Variants in MIPEP observed in about 807,000 individuals in gnomAD.
The protein encoded by MIPEP is mitochondrial intermediate peptidase.
MIPEP carries 79 observed loss-of-function variants against 90.3 expected under a neutral mutation model. That is an observed-to-expected ratio of 0.87 (90% CI 0.73 to 1.05). MIPEP has a LOEUF of 1.05. Among genes scored for constraint, MIPEP ranks in the 50% least tolerant of loss-of-function variants. The pLI, the probability that MIPEP is intolerant of heterozygous loss-of-function variation, is 0.00. For synonymous variants in MIPEP, 334 were observed against 315.8 expected (o/e 1.06, Z -0.61); for missense variants, 940 against 905.6 (o/e 1.04, Z -0.49).
At chr13:23,760,254 T>G (rs771444720) in intron 16 of MIPEP, 37 bp from the exon 17 acceptor site, 1 of 1,613,420 alleles carries the variant, frequency 6.2e-7, no homozygotes, top group Non-Finnish European at 8.5e-7. Context: ...GGGACACAAG[T>G]CAGTTTCCAC....
At chr13:23,819,761 C>A (rs1487544525) in intron 14 of MIPEP, among the ~76,000 whole-genome samples, 1 of 151,948 alleles carries the variant, frequency 6.6e-6, no homozygotes, top group Non-Finnish European at 1.5e-5. Context: ...GTGATCCCAG[C>A]ACTTTGGGAG....
chr13:23,886,172 T>A (rs192814179), intron 2 of MIPEP, among the ~76,000 whole-genome samples, 161 bp downstream of exon 2: 1 of 152,158 alleles, frequency 6.6e-6, no homozygotes, highest in Non-Finnish European at 1.5e-5. Context: ...CCATTCCTAA[T>A]GACATATTTC....
intron 17 of MIPEP, among the ~76,000 whole-genome samples, chr13:23,758,617 A>C (rs1952509616): frequency 6.6e-6 from 1 of 152,246 alleles, no homozygotes; most frequent in Non-Finnish European, 1.5e-5. Context: ...AGATCTTTTA[A>C]AAATAAAATC....
chr13:23,869,495 G>C, intron 6 of MIPEP, 47 bp from the exon 7 acceptor site: 1 of 1,496,944 alleles, frequency 6.7e-7, no homozygotes, highest in South Asian at 1.4e-5. Context: ...TCATCACACA[G>C]TCCTATGCAA....
At chr13:23,839,502 CTATCT>C (rs1180329591) in intron 12 of MIPEP, 142 bp downstream of exon 12, 3 of 454,042 alleles carry the variant, frequency 6.6e-6, no homozygotes, top group African/African-American at 6.1e-5. Flanking sequence ...TTTTAAAATT[CTATCT>C]TAATTTCAAA....
At chr13:23,779,561 C>T (rs990540067) in intron 16 of MIPEP, among the ~76,000 whole-genome samples, 2 of 152,098 alleles carry the variant, frequency 1.3e-5, no homozygotes, top group Non-Finnish European at 2.9e-5. Context: ...TTCCACATTT[C>T]CAACTGAGGT....
Position 23,764,227 on chromosome 13 carries a change from A to G in MIPEP, c.1849-4010T>C, listed in dbSNP as rs948582333. 1.8e-4 allele frequency among the ~76,000 whole-genome samples: 27 copies of G among 152,182 alleles called. 1 individual carries two copies. The highest frequency in any genetic ancestry group is 5.6e-4 in the African/African-American group (23 of 41,432). Reference sequence around the variant, plus strand: ...CCTATTGCTGTCCCAAGGCATGCCTATTTAAACCTTCCTTGAGTTACATAA... The same window carrying G: ...CCTATTGCTGTCCCAAGGCATGCCTGTTTAAACCTTCCTTGAGTTACATAA... On this transcript the variant is annotated intron_variant, in intron 16 of 18. Transcript: ENST00000382172.
chr13:23,805,388 C>T (rs1173104352), intron 16 of MIPEP, among the ~76,000 whole-genome samples: 1 of 152,054 alleles, frequency 6.6e-6, no homozygotes, highest in African/African-American at 2.4e-5. Context: ...GCCCCAAATA[C>T]AAGGATATAA....
chr13:23,791,669 A>G (rs1353608390), intron 16 of MIPEP, among the ~76,000 whole-genome samples: 2 of 152,108 alleles, frequency 1.3e-5, no homozygotes, highest in East Asian at 3.9e-4. Context: ...ACTTACACAT[A>G]TTATTCACCT....
At chr13:23,829,395 C>T (rs888653473) in intron 14 of MIPEP, among the ~76,000 whole-genome samples, 2 of 151,518 alleles carry the variant, frequency 1.3e-5, no homozygotes, top group African/African-American at 4.9e-5. Context: ...TGCCTGTAAG[C>T]CTGGGCGAAA....
At chr13:23,791,747 A>G (rs758468400) in intron 16 of MIPEP, among the ~76,000 whole-genome samples, 4 of 152,170 alleles carry the variant, frequency 2.6e-5, no homozygotes, top group Non-Finnish European at 5.9e-5. Context: ...TTATCTGTAC[A>G]TCTCCTCCAA....
intron 4 of MIPEP, among the ~76,000 whole-genome samples, chr13:23,877,228 T>A (rs574674296): frequency 6.6e-6 from 1 of 152,348 alleles, no homozygotes; most frequent in South Asian, 2.1e-4. Flanking sequence ...TTGGATAGCA[T>A]TAAACTTATA....
chr13:23,769,205 A>T (rs1248716218), intron 16 of MIPEP, among the ~76,000 whole-genome samples: 1 of 152,248 alleles, frequency 6.6e-6, no homozygotes, highest in Non-Finnish European at 1.5e-5. Flanking sequence ...GTCCATGGTC[A>T]GGAGAGTCAG....
chr13:23,832,513 TAGAA>T (rs1036466282), intron 14 of MIPEP, among the ~76,000 whole-genome samples: 2 of 152,026 alleles, frequency 1.3e-5, no homozygotes, highest in South Asian at 2.1e-4. Flanking sequence ...AGTTGCATCT[TAGAA>T]AGGTTTAGGA....
intron 11 of MIPEP, among the ~76,000 whole-genome samples, chr13:23,840,029 A>C (rs1869226873): frequency 6.6e-6 from 1 of 152,200 alleles, no homozygotes; most frequent in African/African-American, 2.4e-5. Context: ...AGCTGGGAAG[A>C]AGTGCTGGCT....
intron 15 of MIPEP, 127 bp downstream of exon 15, chr13:23,809,722 AC>A (rs1228667588): frequency 3.2e-6 from 2 of 625,456 alleles, no homozygotes; most frequent in Non-Finnish European, 5.3e-6. Context: ...AGTTCTTTGA[AC>A]TCAGATGAAA....
At chr13:23,743,590 C>T (rs944223743) in intron 18 of MIPEP, among the ~76,000 whole-genome samples, 1 of 152,254 alleles carries the variant, frequency 6.6e-6, no homozygotes, top group Admixed American at 6.5e-5. Context: ...GAATTATTAA[C>T]TGAAGTGAAG....
At chr13:23,799,519 G>T (rs1026628050) in intron 16 of MIPEP, among the ~76,000 whole-genome samples, 1 of 150,626 alleles carries the variant, frequency 6.6e-6, no homozygotes, top group Non-Finnish European at 1.5e-5. Context: ...GTAGAGATGG[G>T]GTTTCACCGT....
intron 13 of MIPEP, among the ~76,000 whole-genome samples, 161 bp downstream of exon 13, chr13:23,837,391 C>G (rs1046081463): frequency 6.6e-6 from 1 of 152,148 alleles, no homozygotes; most frequent in Non-Finnish European, 1.5e-5. Flanking sequence ...GAAGATCAGG[C>G]TGCACAACCA....
Sources: gnomAD v4.1 joint callset for allele counts (sites outside exome capture counted in the v4.1 genomes callset) on GRCh38, gnomAD v4.1.1 for gene constraint, MANE v1.5 for transcripts, NCBI Gene and HGNC (gene_info 2026-07-23, HGNC 2026-07-21) for gene names.